Variants in GGA3 observed in about 807,000 individuals in gnomAD.
GGA3 encodes golgi associated, gamma adaptin ear containing, ARF binding protein 3, also known as ADP-ribosylation factor-binding protein GGA3.
A neutral mutation model predicts 77.5 loss-of-function variants in GGA3; 57 were observed. The ratio of observed to expected loss-of-function variants is 0.74; its 90% CI spans 0.59 to 0.92. GGA3 has a LOEUF of 0.92. Among genes scored for constraint, GGA3 ranks in the 40% least tolerant of loss-of-function variants. The pLI is 0.00. For synonymous variants in GGA3, 416 were observed against 383.7 expected (o/e 1.08, Z -0.98); for missense variants, 970 against 914.9 (o/e 1.06, Z -0.78).
In GGA3 at chr17:75,252,660, T is replaced by C. The variant is rs546830265; in HGVS notation, c.41-5864A>G. On this transcript the variant is annotated intron_variant, in intron 1 of 16. Coordinates refer to ENST00000537686, the MANE Select transcript of GGA3 (RefSeq NM_138619.4). ...GCCCAAGCCAAGCCATGGCATCCCC[T>C]ATGACTTGCACGTATACATCCAGAT... Among the ~76,000 whole-genome samples the C allele has an allele frequency of 3.3e-5, 5 of 152,312 alleles. No individual in the cohort carries two copies. The South Asian group carries it at 6.2e-4, about 19-fold the overall frequency.
At chr17:75,260,953 C>A (rs1316433971) in intron 1 of GGA3, among the ~76,000 whole-genome samples, 1 of 152,182 alleles carries the variant, frequency 6.6e-6, no homozygotes, top group African/African-American at 2.4e-5. Context: ...CCGATTTCAC[C>A]ATGCTTCTGT....
intron 1 of GGA3, among the ~76,000 whole-genome samples, chr17:75,248,267 C>T (rs900012863): frequency 1.3e-5 from 2 of 149,176 alleles, no homozygotes; most frequent in African/African-American, 2.5e-5. Context: ...GTCAGGAGAT[C>T]GAGACCATCC....
In GGA3 at chr17:75,237,576, C is replaced by T; in HGVS notation, c.*703G>A. The T allele has an allele frequency of 6.5e-7, 1 of 1,535,500 alleles. No individual in the cohort carries two copies. The highest frequency in any genetic ancestry group is 8.7e-7 in the Non-Finnish European group (1 of 1,146,514). ...TGGCTCTCTTCATTTTCCTTCCTATCCCTAGTTGGGCCTGTCATGAGGCCA... is the reference window on the plus strand; with the variant it reads ...TGGCTCTCTTCATTTTCCTTCCTATTCCTAGTTGGGCCTGTCATGAGGCCA... On this transcript the variant is annotated 3_prime_UTR_variant, in exon 17 of 17. Transcript: ENST00000537686.
intron 1 of GGA3, among the ~76,000 whole-genome samples, chr17:75,261,250 C>G (rs1323695750): frequency 6.6e-6 from 1 of 152,270 alleles, no homozygotes; most frequent in Non-Finnish European, 1.5e-5. Context: ...CGAAGCATGT[C>G]AGCCCGAAGA....
chr17:75,246,644 C>T lies in GGA3; in HGVS notation c.126-60G>A, dbSNP rs1006663686. ...AGCCTGGGGCTACCTGGCTGGCCCT[C>T]CTTGGCCATGGTTGTTCCCCTTCCC... On this transcript the variant is annotated intron_variant, in intron 2 of 16. Coordinates refer to ENST00000537686, the MANE Select transcript of GGA3 (RefSeq NM_138619.4). 4 of 1,591,748 alleles carry T rather than the reference C, an allele frequency of 2.5e-6. No homozygotes were observed. In the African/African-American group the frequency reaches 5.4e-5, roughly 21 times the overall value.
chr17:75,239,706 C>G lies in GGA3; in HGVS notation c.1583+83G>C, dbSNP rs547930563. 8.5e-6 allele frequency: 13 copies of G among 1,523,730 alleles called. No homozygotes were observed. In the South Asian group the frequency reaches 1.5e-4, roughly 17 times the overall value. 94.4% of individuals were successfully genotyped at this position (1,523,730 alleles called of 1,614,324 possible). The stretch of plus-strand genomic sequence containing the variant: ...GCCTGACTGATGGGACTACAAGGCA[C>G]CCCCACCCCTTCAAAGTTAGCTCTG... On this transcript the variant is annotated intron_variant, in intron 13 of 16. Transcript: ENST00000537686.
intron 3 of GGA3, among the ~76,000 whole-genome samples, chr17:75,246,014 C>G (rs1487610262): frequency 6.6e-6 from 1 of 152,230 alleles, no homozygotes; most frequent in Non-Finnish European, 1.5e-5. Context: ...CCATTCCACA[C>G]CTTAAATTCC....
chr17:75,243,476 T>C lies in GGA3; in HGVS notation c.395A>G (p.Lys132Arg), dbSNP rs117805695. ...TCTCTTCAGCATGTGGTAGGCGTCTTTGATCTTTGCTTCTTCTGGCAGGGC... is the reference window on the plus strand; with the variant it reads ...TCTCTTCAGCATGTGGTAGGCGTCTCTGATCTTTGCTTCTTCTGGCAGGGC... Reference protein sequence around the residue: ...TMALPEEAKIKDAYHMLKRQG... With the variant: ...TMALPEEAKIRDAYHMLKRQG... The change falls in exon 5 of 17, where the codon AAA (lysine) becomes AGA (arginine). Residue 132 changes from lysine (K) to arginine (R), a missense_variant. Transcript: ENST00000537686. 3.1e-3 allele frequency: 4,952 copies of C among 1,614,224 alleles called. 9 individuals are homozygous for C. Among genetic ancestry groups the C allele is most frequent in the Non-Finnish European group, 3.8e-3 (4,477 of 1,180,032 alleles).
rs2076522563 is a variant in GGA3 at position 75,240,784 on chromosome 17, TGCCCCTGACGCCCCCTGTGGGCC to T, written c.1192+5_1192+27del. On this transcript the variant is annotated splice_donor_5th_base_variant and intron_variant, in intron 11 of 16. Coordinates refer to ENST00000537686, the MANE Select transcript of GGA3 (RefSeq NM_138619.4). ...TTCCTCCCAGAGCCCTGTCAGGGGA[TGCCCCTGACGCCCCCTGTGGGCC>T]GCACCCAAGCAGAGTAGCTCCTCGT... 1.3e-6 allele frequency: 2 copies of T among 1,584,870 alleles called. No homozygotes were observed. The highest frequency in any genetic ancestry group is 1.7e-6 in the Non-Finnish European group (2 of 1,167,846).
chr17:75,255,543 T>C (rs2077118859), intron 1 of GGA3, among the ~76,000 whole-genome samples: 1 of 152,136 alleles, frequency 6.6e-6, no homozygotes, highest in Non-Finnish European at 1.5e-5. Flanking sequence ...TAATCACCCT[T>C]ACCCCGCTCA....
intron 11 of GGA3, 23 bp from the exon 12 acceptor site, chr17:75,240,435 G>A: frequency 6.6e-7 from 1 of 1,507,428 alleles, no homozygotes; most frequent in Non-Finnish European, 9.1e-7. Flanking sequence ...AAGAAAACAG[G>A]ATGAGAAGAG....
intron 11 of GGA3, 104 bp from the exon 12 acceptor site, chr17:75,240,516 G>T (rs1254021457): frequency 2.0e-5 from 15 of 761,914 alleles, no homozygotes; most frequent in African/African-American, 3.5e-5. Context: ...ATCAATGGGT[G>T]AAGGCGCCGG....
At chr17:75,242,215 T>C (rs1282607412) in intron 8 of GGA3, 121 bp downstream of exon 8, 6 of 1,048,084 alleles carry the variant, frequency 5.7e-6, no homozygotes, top group Non-Finnish European at 7.3e-6. Flanking sequence ...AGTAAGGTCA[T>C]GAATACACTG....
chr17:75,248,991 G>T, intron 1 of GGA3: 1 of 985,044 alleles, frequency 1.0e-6, no homozygotes, highest in Non-Finnish European at 1.2e-6. Context: ...GGCCTCCCCG[G>T]CAGTGTTTCT....
intron 12 of GGA3, 39 bp from the exon 13 acceptor site, chr17:75,240,147 GGGGA>G: frequency 7.5e-7 from 1 of 1,332,088 alleles, no homozygotes; most frequent in Non-Finnish European, 1.0e-6. Flanking sequence ...GAGGGCGGGT[GGGGA>G]GGGCCTGCCG....
chr17:75,241,252 G>A (rs563132381), intron 10 of GGA3, 148 bp downstream of exon 10: 12 of 781,696 alleles, frequency 1.5e-5, no homozygotes, highest in African/African-American at 6.9e-5. Context: ...CCAGGCCTCC[G>A]GGAAGCCGGA....
chr17:75,248,468 CAAAAAA>C (rs59182526), intron 1 of GGA3, among the ~76,000 whole-genome samples: 10 of 19,778 alleles, frequency 5.1e-4, no homozygotes, highest in South Asian at 4.4e-3. Context: ...GACTCCGTCT[CAAAAAA>C]AAAAAAAAAA....
intron 1 of GGA3, among the ~76,000 whole-genome samples, chr17:75,253,828 C>T (rs2077053287): frequency 6.6e-6 from 1 of 152,118 alleles, no homozygotes; most frequent in South Asian, 2.1e-4. Flanking sequence ...ACCTTCCAGC[C>T]TCCATTCCTC....
At position 75,238,666 on chromosome 17, in the gene GGA3, C is replaced by T. The variant is rs1270952730; in HGVS notation, c.2047G>A (p.Ala683Thr). Residue 683 changes from alanine to threonine, a missense_variant, in exon 16 of 17, where the codon GCC (alanine) becomes ACC (threonine). Ala to Thr is a moderately conservative substitution (Grantham distance 58). Transcript: ENST00000537686. The stretch of plus-strand genomic sequence containing the variant: ...TTGCTGCTCACCTTCAGTGGATTGG[C>T]CAGCAACATGACCTGGGTGATGGCT... Reference protein sequence around the residue: ...PAAITQVMLLANPLKEKVRLR... With the variant: ...PAAITQVMLLTNPLKEKVRLR... 6.2e-7 allele frequency: 1 copy of T among 1,612,332 alleles called. No individual in the cohort carries two copies. The highest frequency in any genetic ancestry group is 8.5e-7 in the Non-Finnish European group (1 of 1,178,680).
Sources: gnomAD v4.1 joint callset for allele counts (sites outside exome capture counted in the v4.1 genomes callset) on GRCh38, gnomAD v4.1.1 for gene constraint, MANE v1.5 for transcripts, NCBI Gene and HGNC (gene_info 2026-07-23, HGNC 2026-07-21) for gene names.